Variants in FAT3 observed in about 807,000 individuals in gnomAD.
FAT3 encodes the protein FAT atypical cadherin 3.
FAT3 carries 95 observed loss-of-function variants against 310.2 expected under a neutral mutation model. That is an observed-to-expected ratio of 0.31 (90% CI 0.26 to 0.36). The LOEUF is 0.36. Among genes scored for constraint, FAT3 ranks in the 10% least tolerant of loss-of-function variants. The pLI is 1.00. For synonymous variants in FAT3, 2,314 were observed against 2,192.9 expected (o/e 1.06, Z -1.54); for missense variants, 5,408 against 5,715.6 (o/e 0.95, Z 1.74).
At chr11:92,754,355 A>T (rs1385281396) in intron 4 of FAT3, among the ~76,000 whole-genome samples, 1 of 151,830 alleles carries the variant, frequency 6.6e-6, no homozygotes, top group African/African-American at 2.4e-5. Context: ...GCCGGGCGCG[A>T]TGGCTCACGC....
intron 4 of FAT3, chr11:92,749,004 T>C (rs1348791074): frequency 6.6e-6 from 1 of 152,218 alleles, no homozygotes; most frequent in African/African-American, 2.4e-5. Flanking sequence ...AGGTCTGAAT[T>C]CCAGCCTCAA....
rs758774247 is a variant in FAT3, at chr11:92,799,206, G to A, written c.6193G>A (p.Val2065Met). ...CAGCCGTGAGCTGGACCATCTGCGT[G>A]TGGCCAGAGTGGTGGTCAGGGTTAA... is the stretch of plus-strand genomic sequence containing the variant. ...EASRELDHLRVARVVVRVNIE... is the reference protein window; with the variant it reads ...EASRELDHLRMARVVVRVNIE... The change falls in exon 10 of 28, where the codon GTG becomes ATG. Residue 2065 changes from valine to methionine, a missense_variant. Around this residue, in one of 5 missense-constraint regions of FAT3, gnomAD observed 4,588 missense variants for 4,809.8 expected, o/e 0.95. Coordinates refer to ENST00000525166, the MANE Select transcript of FAT3 (RefSeq NM_001367949.2). 3.7e-5 allele frequency: 59 copies of A among 1,613,870 alleles called. No homozygotes were observed. The highest frequency in any genetic ancestry group is 4.4e-5 in the Non-Finnish European group (52 of 1,179,886).
chr11:92,769,362 A>G (rs986621751), intron 6 of FAT3, among the ~76,000 whole-genome samples: 1 of 152,236 alleles, frequency 6.6e-6, no homozygotes, highest in Admixed American at 6.5e-5. Flanking sequence ...TGAAGGGAAC[A>G]CAAATAACCC....
intron 3 of FAT3, among the ~76,000 whole-genome samples, chr11:92,617,489 C>G (rs1940868121): frequency 6.6e-6 from 1 of 152,216 alleles, no homozygotes; most frequent in Non-Finnish European, 1.5e-5. Context: ...CTCAACTCGT[C>G]AAAGTCATTC....
intron 1 of FAT3, among the ~76,000 whole-genome samples, chr11:92,348,950 G>C (rs1464948036): frequency 6.6e-6 from 1 of 152,094 alleles, no homozygotes; most frequent in East Asian, 1.9e-4. Context: ...CTGTGTGGTG[G>C]GTGCTGTACT....
At chr11:92,265,805 T>C (rs1945926773) in intron 1 of FAT3, among the ~76,000 whole-genome samples, 1 of 151,978 alleles carries the variant, frequency 6.6e-6, no homozygotes, top group African/African-American at 2.4e-5. Flanking sequence ...CTAACCCCAC[T>C]CATGAGACTC....
At chr11:92,370,925 A>G (rs1949169578) in intron 2 of FAT3, among the ~76,000 whole-genome samples, 2 of 152,228 alleles carry the variant, frequency 1.3e-5, no homozygotes, top group Admixed American at 1.3e-4. Flanking sequence ...GATGTAAGCA[A>G]TAATGGCTAT....
chr11:92,562,438 C>T (rs1955261912), intron 3 of FAT3, among the ~76,000 whole-genome samples: 2 of 152,096 alleles, frequency 1.3e-5, no homozygotes, highest in African/African-American at 4.8e-5. Flanking sequence ...ATTTCTTAAC[C>T]TTGCTGAGCC....
At chr11:92,258,878 G>A (rs1187173) in intron 1 of FAT3, among the ~76,000 whole-genome samples, 14,703 of 151,938 alleles carry the variant, frequency 0.097, 753 homozygotes, top group African/African-American at 0.12. Context: ...AGGCCTTGTG[G>A]AAGAGCCAAC....
At chr11:92,283,320 C>T (rs1946476322) in intron 1 of FAT3, among the ~76,000 whole-genome samples, 1 of 152,142 alleles carries the variant, frequency 6.6e-6, no homozygotes, top group African/African-American at 2.4e-5. Context: ...TAGGTTGGAA[C>T]ATTATAAAGT....
At position 92,237,555 on chromosome 11, in the gene FAT3, T is replaced by C. The variant is rs1864483792; in HGVS notation, c.-18+12381T>C. On this transcript the variant is annotated intron_variant, in intron 1 of 27. Coordinates refer to ENST00000525166, the MANE Select transcript of FAT3 (RefSeq NM_001367949.2). ...CACTGGTGAGAATATTATACCACTT[T>C]GGAGTTACCTGGAATTCCAGCATGT... Among the ~76,000 whole-genome samples, 3 of 152,178 alleles carry C rather than the reference T, an allele frequency of 2.0e-5. No individual in the cohort carries two copies. In the South Asian group the frequency reaches 6.2e-4, roughly 31 times the overall value.
rs114538221 is a variant in FAT3, at chr11:92,886,162, C to A, written c.12938-838C>A. Among the ~76,000 whole-genome samples the A allele has an allele frequency of 6.6e-3, 1,008 of 152,292 alleles. 9 individuals are homozygous for A. The highest frequency in any genetic ancestry group is 0.023 in the African/African-American group (960 of 41,548). On this transcript the variant is annotated intron_variant, in intron 24 of 27. Coordinates refer to ENST00000525166, the MANE Select transcript of FAT3 (RefSeq NM_001367949.2). ...TCAGGCCAAAACTCACATTTCCCCC[C>A]AAAGTATTGTTGGGTTGTATTGAAT...
chr11:92,303,771 A>G (rs571595718), intron 1 of FAT3, among the ~76,000 whole-genome samples: 1 of 152,256 alleles, frequency 6.6e-6, no homozygotes, highest in African/African-American at 2.4e-5. Context: ...ATGGTGTTAT[A>G]AAAGAGGTGG....
At chr11:92,426,997 C>T (rs975252179) in intron 2 of FAT3, among the ~76,000 whole-genome samples, 1 of 152,256 alleles carries the variant, frequency 6.6e-6, no homozygotes, top group East Asian at 1.9e-4. Flanking sequence ...ATTGATTCTT[C>T]CTATCCATGA....
In FAT3 at chr11:92,811,834, C is replaced by A. The variant is rs181056986; in HGVS notation, c.9481+1758C>A. 5.7e-3 allele frequency among the ~76,000 whole-genome samples: 872 copies of A among 152,294 alleles called. 6 individuals are homozygous for A. The highest frequency in any genetic ancestry group is 0.013 in the South Asian group (63 of 4,824). ...TGCATCAGCCACAGGAAAACTGTGG[C>A]ATAAGATACCAGATTTTAGTTCATT... On this transcript the variant is annotated intron_variant, in intron 13 of 27. Coordinates refer to ENST00000525166, the MANE Select transcript of FAT3 (RefSeq NM_001367949.2).
rs950017525 is a variant in FAT3 at position 92,894,983 on chromosome 11, A to G, written c.*3870A>G. On this transcript the variant is annotated 3_prime_UTR_variant, in exon 28 of 28. Coordinates refer to ENST00000525166, the MANE Select transcript of FAT3 (RefSeq NM_001367949.2). ...ATGCTATGTTTGCATCATCAAAGTC[A>G]GGGGAATTGAGAAAAGAGATTATCA... 7.9e-5 allele frequency: 12 copies of G among 152,190 alleles called. No individual in the cohort carries two copies. The highest frequency in any genetic ancestry group is 2.9e-4 in the African/African-American group (12 of 41,450). 9.4% of individuals were successfully genotyped at this position (152,190 alleles called of 1,614,324 possible).
At chr11:92,760,478 A>G (rs1053764946) in intron 4 of FAT3, among the ~76,000 whole-genome samples, 2 of 152,192 alleles carry the variant, frequency 1.3e-5, no homozygotes, top group Admixed American at 1.3e-4. Context: ...GCCTCCAAGT[A>G]CATATATGGA....
intron 13 of FAT3, among the ~76,000 whole-genome samples, chr11:92,831,398 T>G (rs1324337095): frequency 6.6e-6 from 1 of 152,240 alleles, no homozygotes; most frequent in Non-Finnish European, 1.5e-5. Context: ...CAACTATTTC[T>G]GATATTTGTT....
At chr11:92,801,996 A>G in intron 10 of FAT3, 87 bp downstream of exon 10, 1 of 1,269,710 alleles carries the variant, frequency 7.9e-7, no homozygotes, top group Non-Finnish European at 1.1e-6. Context: ...GAGAGAAGGA[A>G]GATGGGATAA....
Sources: gnomAD v4.1 joint callset for allele counts (sites outside exome capture counted in the v4.1 genomes callset) on GRCh38, gnomAD v4.1.1 for gene constraint, gnomAD v4.1.1 regional missense constraint, MANE v1.5 for transcripts, NCBI Gene and HGNC (gene_info 2026-07-23, HGNC 2026-07-21) for gene names.